UBR4: variants seen among roughly 807,000 people sequenced by gnomAD.
UBR4 encodes E3 ubiquitin-protein ligase UBR4.
A neutral mutation model predicts 575.6 loss-of-function variants in UBR4; 124 were observed. The ratio of observed to expected loss-of-function variants is 0.22; its 90% CI spans 0.19 to 0.25. The LOEUF (loss-of-function observed/expected upper bound fraction) is 0.25, where lower values mean the gene tolerates loss of function less well. Ranked by LOEUF, UBR4 falls within the 10% of genes least tolerant of loss-of-function variation. The probability of loss-of-function intolerance (pLI) is 1.00; values close to 1 mark genes in which losing one functional copy is unlikely to be tolerated. For synonymous variants in UBR4, 2,455 were observed against 2,473.7 expected, an observed-to-expected ratio of 0.99 and a Z score of 0.22; for missense variants, 4,818 against 6,478.8, an observed-to-expected ratio of 0.74 and a Z score of 8.80.
chr1:19,087,974 C>T (rs1364809003), intron 98 of UBR4, 45 bp from the exon 99 acceptor site: 1 of 1,458,428 alleles, frequency 6.9e-7, no homozygotes, highest in African/African-American at 1.4e-5. Flanking sequence ...TTCCACACAC[C>T]CTCTCCCACC....
chr1:19,175,436 T>C (rs546186431), intron 20 of UBR4, among the ~76,000 whole-genome samples: 2 of 152,192 alleles, frequency 1.3e-5, no homozygotes, highest in South Asian at 4.1e-4. Flanking sequence ...TAACATCAAA[T>C]AGTAAAAGAT....
At chr1:19,181,133 T>C (rs1287547175) in intron 17 of UBR4, among the ~76,000 whole-genome samples, 2 of 152,120 alleles carry the variant, frequency 1.3e-5, no homozygotes, top group Non-Finnish European at 2.9e-5. Context: ...CAGTCCCAGC[T>C]ATACGGGAGA....
intron 34 of UBR4, among the ~76,000 whole-genome samples, chr1:19,163,563 C>T (rs961228758): frequency 5.3e-5 from 8 of 152,344 alleles, no homozygotes; most frequent in African/African-American, 1.9e-4. Flanking sequence ...ATATTTCCTT[C>T]CCATCACTTC....
Position 19,147,646 on chromosome 1 carries a change from G to A in UBR4, c.7629+347C>T, listed in dbSNP as rs544242653. Among the ~76,000 whole-genome samples the A allele has an allele frequency of 1.4e-4, 21 of 152,284 alleles. 2 individuals are homozygous for A. In the South Asian group the frequency reaches 3.7e-3, roughly 27 times the overall value. The stretch of plus-strand genomic sequence containing the variant: ...ACTTCTCGTGCTGTGCCACACCTGA[G>A]GGAGCGAAAACACTAGCAGTCTATT... On this transcript the variant is annotated intron_variant, in intron 51 of 105. Coordinates refer to ENST00000375254, the MANE Select transcript of UBR4 (RefSeq NM_020765.3).
chr1:19,203,442 G>A (rs2092849396), intron 1 of UBR4, among the ~76,000 whole-genome samples: 1 of 151,910 alleles, frequency 6.6e-6, no homozygotes, highest in South Asian at 2.1e-4. Context: ...TGGAATTGCA[G>A]TGAGCTGAGA....
rs2086078095 is a variant in UBR4 at position 19,153,963 on chromosome 1, A to G, written c.6459-24T>C. On this transcript the variant is annotated intron_variant, in intron 44 of 105. Coordinates refer to ENST00000375254, the MANE Select transcript of UBR4 (RefSeq NM_020765.3). This position sits in a 1 kb window ranked among gnomAD's most constrained non-coding sequence, Gnocchi z 4.1. ...AACTGCAGACAACAAAACTGGCCAC[A>G]GTTAGAGTGTCAGTCACCATTTAAT... is the stretch of plus-strand genomic sequence containing the variant. 6.2e-7 allele frequency: 1 copy of G among 1,608,160 alleles called. No individual in the cohort carries two copies.
chr1:19,152,474 T>C lies in UBR4; in HGVS notation c.6835A>G (p.Thr2279Ala). 6.2e-7 allele frequency: 1 copy of C among 1,613,762 alleles called. No homozygotes were observed. Among genetic ancestry groups the C allele is most frequent in the Non-Finnish European group, 8.5e-7 (1 of 1,179,828 alleles). Reference sequence around the variant, plus strand: ...AAAGTCACCTGGCTAGACGTGCGGGTTGCTGCAGAGAACGGTACCAGATCG... The same window carrying C: ...AAAGTCACCTGGCTAGACGTGCGGGCTGCTGCAGAGAACGGTACCAGATCG... Reference protein sequence around the residue: ...VRKRKTATITTRTSSQVTFPI... With the variant: ...VRKRKTATITARTSSQVTFPI... Residue 2279 changes from threonine (T) to alanine (A), a missense_variant and splice_region_variant, in exon 47 of 106, where the codon ACC becomes GCC. Thr to Ala is a moderately conservative substitution (Grantham distance 58, BLOSUM62 0). Transcript: ENST00000375254. This position sits in a 1 kb window ranked among gnomAD's most constrained non-coding sequence, Gnocchi z 4.4.
chr1:19,186,756 A>G (rs1015182886), intron 13 of UBR4, 99 bp from the exon 14 acceptor site: 17 of 1,145,044 alleles, frequency 1.5e-5, no homozygotes, highest in Middle Eastern at 2.0e-4. Flanking sequence ...TCCTAAATCC[A>G]AGAGTATGCC....
At chr1:19,197,079 G>C in intron 8 of UBR4, 62 bp downstream of exon 8, 1 of 1,574,066 alleles carries the variant, frequency 6.4e-7, no homozygotes, top group South Asian at 1.2e-5. Context: ...GATTTTCATG[G>C]TTTCCTGAAA....
chr1:19,105,690 GA>G lies in UBR4; in HGVS notation c.12503+42del, dbSNP rs747488287. On this transcript the variant is annotated intron_variant, in intron 84 of 105. Coordinates refer to ENST00000375254, the MANE Select transcript of UBR4 (RefSeq NM_020765.3). ...CCCCGGGGAAGATGAAAAGGCTCTA[GA>G]GCAAGTCTAACCACGCTCCTCATCC... 10 of 1,448,456 alleles carry G rather than the reference GA, an allele frequency of 6.9e-6. No individual in the cohort carries two copies. In the East Asian group the frequency reaches 2.4e-4, roughly 35 times the overall value. 89.7% of individuals were successfully genotyped at this position (1,448,456 alleles called of 1,614,324 possible).
At chr1:19,086,314 C>T (rs1343152066) in intron 100 of UBR4, 44 bp from the exon 101 acceptor site, 9 of 1,428,852 alleles carry the variant, frequency 6.3e-6, no homozygotes, top group Admixed American at 2.6e-5. Context: ...CTGGCATTAA[C>T]GTGGCAACCA....
At chr1:19,150,094 T>C (rs866040787) in intron 49 of UBR4, among the ~76,000 whole-genome samples, 1 of 152,168 alleles carries the variant, frequency 6.6e-6, no homozygotes, top group Non-Finnish European at 1.5e-5. Context: ...TATGCCACTG[T>C]AGGGAGACTT....
intron 13 of UBR4, 117 bp downstream of exon 13, chr1:19,187,047 T>C: frequency 1.2e-6 from 1 of 800,520 alleles, no homozygotes; most frequent in Non-Finnish European, 1.6e-6. Flanking sequence ...TCATGGTGTG[T>C]AGTCAGTCTT....
rs772586504 is a variant in UBR4, at chr1:19,110,078, C to A, written c.12105+18G>T. On this transcript the variant is annotated intron_variant, in intron 81 of 105. Transcript: ENST00000375254. The surrounding 1 kb of genome is among the most constrained non-coding windows in gnomAD (Gnocchi z 4.5). ...GCCGCCCTGCCCTTCCTTGTTAGACCCCTGCTTGGCCCAGTACCTTGTTCT... is the reference window on the plus strand; with the variant it reads ...GCCGCCCTGCCCTTCCTTGTTAGACACCTGCTTGGCCCAGTACCTTGTTCT... 6 of 1,613,654 alleles carry A rather than the reference C, an allele frequency of 3.7e-6. 1 individual carries two copies. Among genetic ancestry groups the A allele is most frequent in the South Asian group, 3.3e-5 (3 of 91,050 alleles).
At chr1:19,197,855 G>A (rs1200243151) in intron 6 of UBR4, 44 bp from the exon 7 acceptor site, 1 of 1,612,820 alleles carries the variant, frequency 6.2e-7, no homozygotes, top group Admixed American at 1.7e-5. Context: ...GCCTTTGTCT[G>A]ATGCTTGATT....
intron 60 of UBR4, among the ~76,000 whole-genome samples, chr1:19,133,033 T>A (rs1260119101): frequency 6.6e-6 from 1 of 152,196 alleles, no homozygotes; most frequent in African/African-American, 2.4e-5. Flanking sequence ...TAAGAATTTA[T>A]GGAAGAAATA....
In UBR4 at chr1:19,173,533, G is replaced by C; in HGVS notation, c.3071C>G (p.Ser1024Cys). The C allele has an allele frequency of 6.2e-7, 1 of 1,614,168 alleles. No individual in the cohort carries two copies. The highest frequency in any genetic ancestry group is 8.5e-7 in the Non-Finnish European group (1 of 1,180,026). The change falls in exon 23 of 106, where the codon TCC becomes TGC. Residue 1024 changes from serine to cysteine, a missense_variant. Transcript: ENST00000375254. ...PPSKTYINQLSMNSPEMSECD... is the reference protein window; with the variant it reads ...PPSKTYINQLCMNSPEMSECD... ...TTCGCTCATCTCAGGTGAGTTCATG[G>C]ATAGCTGGTTAATGTAAGTCTTTGA...
In UBR4 at chr1:19,163,838, GAA is replaced by G; in HGVS notation, c.4701-13_4701-12del. ...GACAGGTATTTCTTGCTGTCCCAAA[GAA>G]AAAAAAGAGGGGAAAGAGGAGACAC... On this transcript the variant is annotated splice_polypyrimidine_tract_variant and intron_variant, in intron 33 of 105. Transcript: ENST00000375254. The G allele has an allele frequency of 6.2e-7, 1 of 1,607,878 alleles. No homozygotes were observed.
Position 19,094,005 on chromosome 1 carries a change from C to T in UBR4, c.13881G>A (p.Glu4627=), listed in dbSNP as rs2077784392. ...CCACCAAGATCTGCATTTTCTCCAC[C>T]TCTCCAAAGGAAAGGTACGGGATGA... ...LRIIPYLSFG[E]VEKMQILVER... The change falls in exon 95 of 106, where the codon GAG becomes GAA. Residue 4627 remains glutamate (E), a synonymous_variant. Transcript: ENST00000375254. The T allele has an allele frequency of 6.2e-7, 1 of 1,614,122 alleles. No individual in the cohort carries two copies. The highest frequency in any genetic ancestry group is 1.1e-5 in the South Asian group (1 of 91,050).
Sources: gnomAD v4.1 joint callset for allele counts (sites outside exome capture counted in the v4.1 genomes callset) on GRCh38, gnomAD v4.1.1 for gene constraint, Gnocchi (gnomAD v3.1) non-coding constraint, MANE v1.5 for transcripts, NCBI Gene and HGNC (gene_info 2026-07-23, HGNC 2026-07-21) for gene names.